DNAH1: variants seen among roughly 807,000 people sequenced by gnomAD.
The protein encoded by DNAH1 is dynein axonemal heavy chain 1, also known as axonemal beta dynein heavy chain 1.
In DNAH1, 327 loss-of-function variants were observed where a neutral mutation model predicts 484.3. That is an observed-to-expected ratio of 0.68 (90% confidence interval 0.62 to 0.74). The LOEUF (loss-of-function observed/expected upper bound fraction) is 0.74, where lower values mean the gene tolerates loss of function less well. Ranked by LOEUF, DNAH1 falls within the 30% of genes least tolerant of loss-of-function variation. The pLI, the probability that DNAH1 is intolerant of heterozygous loss-of-function variation, is 0.00. For synonymous variants in DNAH1, 2,192 were observed against 2,191.9 expected (o/e 1.00, Z 0.00); for missense variants, 5,052 against 5,546.8 (o/e 0.91, Z 2.83).
chr3:52,398,296 T>C, intron 75 of DNAH1, 134 bp downstream of exon 75: 1 of 1,203,880 alleles, frequency 8.3e-7, no homozygotes, highest in Non-Finnish European at 1.1e-6. Flanking sequence ...TTTGTTGTTG[T>C]TGTTGACACG....
chr3:52,396,654 T>A lies in DNAH1; in HGVS notation c.11467T>A (p.Leu3823Met). ...EFKSLLLSLCLFHGNALERRK... is the reference protein window; with the variant it reads ...EFKSLLLSLCMFHGNALERRK... ...CAAGTCTCTGCTGCTGTCTCTGTGCTTGTTCCATGGGAACGCCCTGGAGCG... is the reference window on the plus strand; with the variant it reads ...CAAGTCTCTGCTGCTGTCTCTGTGCATGTTCCATGGGAACGCCCTGGAGCG... The change falls in exon 72 of 78, where the codon TTG becomes ATG. Residue 3823 changes from leucine to methionine, a missense_variant. Transcript: ENST00000420323. The A allele has an allele frequency of 6.2e-7, 1 of 1,613,648 alleles. No individual in the cohort carries two copies. Among genetic ancestry groups the A allele is most frequent in the East Asian group, 2.2e-5 (1 of 44,872 alleles).
chr3:52,372,499 A>C lies in DNAH1; in HGVS notation c.6827+112A>C. ...CTCCTGGGTTTGCCAGGAACCTCCCAGGGGGAGCTGACAGCCCCCCAATGG... is the reference window on the plus strand; with the variant it reads ...CTCCTGGGTTTGCCAGGAACCTCCCCGGGGGAGCTGACAGCCCCCCAATGG... On this transcript the variant is annotated intron_variant, in intron 43 of 77. Transcript: ENST00000420323. 3 of 1,438,060 alleles carry C rather than the reference A, an allele frequency of 2.1e-6. No individual in the cohort carries two copies. The East Asian group carries it at 7.3e-5, about 35-fold the overall frequency. The allele number at this position is 1,438,060 out of a possible 1,614,324, so 89.1% of individuals were successfully genotyped here. A position where few individuals can be genotyped will look rare whatever the true frequency, so the allele number is the denominator to read the frequency against.
In DNAH1 at chr3:52,395,955, T is replaced by G. The variant is rs1391751351; in HGVS notation, c.11259+277T>G. 6.6e-6 allele frequency among the ~76,000 whole-genome samples: 1 copy of G among 150,412 alleles called. No homozygotes were observed. Among genetic ancestry groups the G allele is most frequent in the Non-Finnish European group, 1.5e-5 (1 of 67,680 alleles). On this transcript the variant is annotated intron_variant, in intron 70 of 77. Transcript: ENST00000420323. This position sits in a 1 kb window ranked among gnomAD's most constrained non-coding sequence, Gnocchi z 4.4. ...CCAAAGCCCTTTTTTTTTTTTTTTT[T>G]TCAGACGGAGTCTCACTCTGTCACC...
chr3:52,356,469 A>G, intron 21 of DNAH1, 145 bp from the exon 22 acceptor site: 1 of 768,160 alleles, frequency 1.3e-6, no homozygotes, highest in Non-Finnish European at 2.1e-6. Context: ...AGCACCATCT[A>G]GAAATCTCCC....
rs1490272606 is a variant in DNAH1 at position 52,358,910 on chromosome 3, A to C, written c.4266+173A>C. Among the ~76,000 whole-genome samples, 2 of 151,802 alleles carry C rather than the reference A, an allele frequency of 1.3e-5. No homozygotes were observed. Among genetic ancestry groups the C allele is most frequent in the Non-Finnish European group, 2.9e-5 (2 of 67,928 alleles). ...ACACACACTCCAGAAAGTGGGACTC[A>C]CTCCTAATCATCGGGATGGCTGTTC... On this transcript the variant is annotated intron_variant, in intron 25 of 77. Coordinates refer to ENST00000420323, the MANE Select transcript of DNAH1 (RefSeq NM_015512.5). The surrounding 1 kb of genome is among the most constrained non-coding windows in gnomAD (Gnocchi z 4.2).
chr3:52,344,343 A>G, intron 8 of DNAH1, 147 bp from the exon 9 acceptor site: 1 of 947,538 alleles, frequency 1.1e-6, no homozygotes, highest in Non-Finnish European at 1.5e-6. Context: ...TTAGTGGCTC[A>G]GGGCCGGGTG....
chr3:52,322,162 C>T (rs1045955035), intron 1 of DNAH1, among the ~76,000 whole-genome samples: 13 of 152,132 alleles, frequency 8.5e-5, no homozygotes, highest in Admixed American at 2.6e-4. Context: ...TCACTCAGCC[C>T]TTAACTCTGG....
Position 52,394,590 on chromosome 3 carries a change from C to A in DNAH1, c.10752C>A (p.Ser3584=). Residue 3584 remains serine (S), a synonymous_variant, in exon 67 of 78, where the codon TCC becomes TCA. Coordinates refer to ENST00000420323, the MANE Select transcript of DNAH1 (RefSeq NM_015512.5). ...ILALSNLPTF[S]SFSSDFVKHL... is the part of the protein sequence containing the mutation. The stretch of plus-strand genomic sequence containing the variant: ...CACTCTCGAACCTGCCAACCTTTTC[C>A]TCCTTCTCTTCCGACTTCGTGAAGC... The A allele has an allele frequency of 6.2e-7, 1 of 1,610,618 alleles. No individual in the cohort carries two copies. The highest frequency in any genetic ancestry group is 8.5e-7 in the Non-Finnish European group (1 of 1,177,604).
rs1339500102 is a variant in DNAH1 at position 52,364,982 on chromosome 3, C to T, written c.5481C>T (p.Arg1827=). 16 of 1,613,324 alleles carry T rather than the reference C, an allele frequency of 9.9e-6. No homozygotes were observed. Among genetic ancestry groups the T allele is most frequent in the East Asian group, 2.2e-5 (1 of 44,880 alleles). ...ACGGCATCCTGGATGAGGCCATCCG[C>T]GAGGCCTGCAGGAACAGCAACCTCA... ...TDYGILDEAI[R]EACRNSNLKD... Residue 1827 remains arginine, a synonymous_variant, in exon 34 of 78, where the codon CGC becomes CGT. Transcript: ENST00000420323. This position sits in a 1 kb window ranked among gnomAD's most constrained non-coding sequence, Gnocchi z 4.2.
chr3:52,366,598 G>T, intron 35 of DNAH1, 50 bp downstream of exon 35: 1 of 1,561,198 alleles, frequency 6.4e-7, no homozygotes, highest in South Asian at 1.2e-5. Flanking sequence ...GGGCCTGTAG[G>T]GGGGTGCAGC....
chr3:52,345,262 T>G (rs554945134), intron 9 of DNAH1, among the ~76,000 whole-genome samples: 1 of 152,294 alleles, frequency 6.6e-6, no homozygotes, highest in East Asian at 1.9e-4. Flanking sequence ...GAGGAGCCTG[T>G]GACTAGGGGG....
At chr3:52,342,929 G>A (rs927831198) in intron 8 of DNAH1, among the ~76,000 whole-genome samples, 5 of 152,326 alleles carry the variant, frequency 3.3e-5, no homozygotes, top group African/African-American at 1.2e-4. Flanking sequence ...TTCAGAGTCC[G>A]AGGCTGGAGG....
At position 52,397,136 on chromosome 3, in the gene DNAH1, G is replaced by A. The variant is rs963667020; in HGVS notation, c.11787+92G>A. ...ACCTTGGTGCTGGGTGGGAGGAGAT[G>A]CAGCCCCCACCCTCCATCAGCTGTC... is the stretch of plus-strand genomic sequence containing the variant. On this transcript the variant is annotated intron_variant, in intron 73 of 77. Coordinates refer to ENST00000420323, the MANE Select transcript of DNAH1 (RefSeq NM_015512.5). 16 of 1,166,346 alleles carry A rather than the reference G, an allele frequency of 1.4e-5. No homozygotes were observed. The African/African-American group carries it at 2.5e-4, about 18-fold the overall frequency. The allele number at this position is 1,166,346 out of a possible 1,614,324, so 72.2% of individuals were successfully genotyped here.
In DNAH1 at chr3:52,358,435, C is replaced by A; in HGVS notation, c.4087-123C>A. On this transcript the variant is annotated intron_variant, in intron 24 of 77. Transcript: ENST00000420323. The surrounding 1 kb of genome is among the most constrained non-coding windows in gnomAD (Gnocchi z 4.2). ...CAGCCAAGATAGACTCTCGGGGGGA[C>A]GGGAAGGCAGGGCTTTCTTCTTGAG... The A allele has an allele frequency of 9.3e-7, 1 of 1,079,602 alleles. No homozygotes were observed. The highest frequency in any genetic ancestry group is 1.3e-6 in the Non-Finnish European group (1 of 771,782). The allele number at this position is 1,079,602 out of a possible 1,614,324, so 66.9% of individuals were successfully genotyped here.
chr3:52,347,216 G>A (rs140175058), intron 11 of DNAH1, among the ~76,000 whole-genome samples: 19 of 150,564 alleles, frequency 1.3e-4, no homozygotes, highest in African/African-American at 3.1e-4. Flanking sequence ...GTTATGAGGC[G>A]ATGTGAGGTG....
intron 8 of DNAH1, among the ~76,000 whole-genome samples, chr3:52,334,652 G>A (rs1701672642): frequency 6.6e-6 from 1 of 152,012 alleles, no homozygotes; most frequent in African/African-American, 2.4e-5. Context: ...AATTAGCTGA[G>A]CGTGGTGGCA....
At position 52,368,682 on chromosome 3, in the gene DNAH1, G is replaced by A. The variant is rs148427850; in HGVS notation, c.5766-59G>A. 6.4e-7 allele frequency: 1 copy of A among 1,566,946 alleles called. No homozygotes were observed. Among genetic ancestry groups the A allele is most frequent in the Non-Finnish European group, 8.7e-7 (1 of 1,148,486 alleles). On this transcript the variant is annotated intron_variant, in intron 36 of 77. Transcript: ENST00000420323. This position sits in a 1 kb window ranked among gnomAD's most constrained non-coding sequence, Gnocchi z 4.4. ...GGCGGCCAGGCTTCCCTGGGAGCCAGCTGTGCTCGAAGCACCGCCTCCCTG... is the reference window on the plus strand; with the variant it reads ...GGCGGCCAGGCTTCCCTGGGAGCCAACTGTGCTCGAAGCACCGCCTCCCTG...
At chr3:52,374,963 A>C in intron 44 of DNAH1, 1 of 244,524 alleles carries the variant, frequency 4.1e-6, no homozygotes, top group Non-Finnish European at 7.2e-6. Context: ...TGTCTTCACC[A>C]TGGGGGCGGG....
At chr3:52,333,797 A>G (rs949471476) in intron 8 of DNAH1, among the ~76,000 whole-genome samples, 1 of 152,226 alleles carries the variant, frequency 6.6e-6, no homozygotes, top group Non-Finnish European at 1.5e-5. Flanking sequence ...ACAGTATTCA[A>G]TACATTTCAA....
Sources: allele counts gnomAD v4.1 joint callset (sites outside exome capture counted in the v4.1 genomes callset), GRCh38; gene constraint gnomAD v4.1.1; non-coding constraint Gnocchi (gnomAD v3.1); transcripts MANE v1.5; gene names NCBI Gene and HGNC (gene_info 2026-07-23, HGNC 2026-07-21).